MACROD2: variants seen among roughly 807,000 people sequenced by gnomAD.
MACROD2 encodes ADP-ribose glycohydrolase MACROD2.
MACROD2 carries 36 observed loss-of-function variants against 70.4 expected under a neutral mutation model. That is an observed-to-expected ratio of 0.51 (90% CI 0.39 to 0.68). The LOEUF is 0.68. Ranked by LOEUF, MACROD2 falls within the 30% of genes least tolerant of loss-of-function variation. The pLI is 0.00. For missense variants in MACROD2, 496 were observed against 538.4 expected (o/e 0.92, Z 0.78); for synonymous variants, 172 against 178.8 (o/e 0.96, Z 0.30).
chr20:14,924,258 G>A (rs1002517563), intron 5 of MACROD2, among the ~76,000 whole-genome samples: 7 of 146,902 alleles, frequency 4.8e-5, no homozygotes, highest in African/African-American at 1.9e-4. Context: ...GCCAAGCCTG[G>A]CCAAACATTG....
At chr20:15,122,921 C>G (rs1047577485) in intron 5 of MACROD2, among the ~76,000 whole-genome samples, 1 of 152,062 alleles carries the variant, frequency 6.6e-6, no homozygotes, top group East Asian at 1.9e-4. Flanking sequence ...AAATTATGAC[C>G]CACCTGTTGA....
chr20:14,394,896 G>T (rs1162281915), intron 3 of MACROD2, among the ~76,000 whole-genome samples: 1 of 151,922 alleles, frequency 6.6e-6, no homozygotes, highest in Non-Finnish European at 1.5e-5. Flanking sequence ...GAATTATATG[G>T]GTTGACCTTT....
chr20:15,612,693 C>G, intron 8 of MACROD2, among the ~76,000 whole-genome samples: 1 of 152,288 alleles, frequency 6.6e-6, no homozygotes, highest in Middle Eastern at 3.4e-3. Context: ...TGAATAGAAA[C>G]GATGGCTCTG....
intron 8 of MACROD2, among the ~76,000 whole-genome samples, chr20:15,603,787 G>C (rs2048856682): frequency 6.6e-6 from 1 of 152,164 alleles, no homozygotes; most frequent in African/African-American, 2.4e-5. Context: ...AGCCAGCAAA[G>C]ATTATTCATG....
intron 8 of MACROD2, among the ~76,000 whole-genome samples, chr20:15,853,192 T>C (rs1276803596): frequency 6.6e-6 from 1 of 152,102 alleles, no homozygotes; most frequent in African/African-American, 2.4e-5. Flanking sequence ...GGGTAGGTGT[T>C]TTAGGTACCT....
At chr20:14,468,889 A>G (rs1600271858) in intron 3 of MACROD2, among the ~76,000 whole-genome samples, 1 of 152,074 alleles carries the variant, frequency 6.6e-6, no homozygotes, top group Non-Finnish European at 1.5e-5. Context: ...TCTTTATCCA[A>G]TTTGTCAGCC....
chr20:15,198,536 A>C (rs1032014559), intron 5 of MACROD2, among the ~76,000 whole-genome samples: 8 of 152,258 alleles, frequency 5.3e-5, no homozygotes, highest in African/African-American at 1.9e-4. Context: ...AGATCACTGG[A>C]TATACAACTG....
chr20:15,993,920 C>G (rs943078231), intron 15 of MACROD2, among the ~76,000 whole-genome samples: 75 of 152,118 alleles, frequency 4.9e-4, no homozygotes, highest in Admixed American at 1.3e-4. Context: ...AAGGAATACA[C>G]CCTCATAGAA....
intron 2 of MACROD2, among the ~76,000 whole-genome samples, chr20:14,033,823 A>C (rs889676896): frequency 6.6e-6 from 1 of 152,040 alleles, no homozygotes; most frequent in African/African-American, 2.4e-5. Context: ...GTGTGTGTAG[A>C]ATTTACCTTT....
At chr20:15,582,676 G>A (rs1394625557) in intron 8 of MACROD2, among the ~76,000 whole-genome samples, 1 of 152,120 alleles carries the variant, frequency 6.6e-6, no homozygotes, top group Non-Finnish European at 1.5e-5. Flanking sequence ...GAATCCACTG[G>A]CATTCTGTTC....
chr20:15,239,216 A>G (rs1421632075), intron 6 of MACROD2, among the ~76,000 whole-genome samples: 2 of 143,354 alleles, frequency 1.4e-5, no homozygotes, highest in African/African-American at 5.3e-5. Flanking sequence ...AGCAATTGCA[A>G]TGTATGGAAT....
intron 16 of MACROD2, among the ~76,000 whole-genome samples, chr20:16,041,779 A>G (rs775129): frequency 0.36 from 54,217 of 151,812 alleles, 11,893 homozygotes; most frequent in South Asian, 0.54. Context: ...TTAAAAATAA[A>G]TTTTCAAACA....
intron 8 of MACROD2, among the ~76,000 whole-genome samples, chr20:15,607,785 C>T (rs1423462051): frequency 1.3e-5 from 2 of 152,180 alleles, no homozygotes; most frequent in Admixed American, 6.5e-5. Context: ...CTACCCGCCT[C>T]GGCCTCCCAA....
At chr20:14,886,421 T>C (rs905497102) in intron 5 of MACROD2, among the ~76,000 whole-genome samples, 2 of 152,138 alleles carry the variant, frequency 1.3e-5, no homozygotes, top group African/African-American at 4.8e-5. Flanking sequence ...GACTTTGGCT[T>C]TGGTCATAAG....
intron 8 of MACROD2, among the ~76,000 whole-genome samples, chr20:15,798,225 T>G (rs1315800493): frequency 6.6e-6 from 1 of 152,200 alleles, no homozygotes; most frequent in African/African-American, 2.4e-5. Context: ...TGGGGATGAC[T>G]CTTCCCTGTC....
chr20:14,636,755 A>G (rs1484965343), intron 4 of MACROD2, among the ~76,000 whole-genome samples: 1 of 152,206 alleles, frequency 6.6e-6, no homozygotes, highest in East Asian at 1.9e-4. Flanking sequence ...ATCTACAACA[A>G]TATTTTGAGC....
chr20:15,507,389 CTCCT>C (rs10659185), intron 8 of MACROD2, among the ~76,000 whole-genome samples: 3 of 146,788 alleles, frequency 2.0e-5, no homozygotes, highest in East Asian at 2.0e-4. Context: ...CCTTCCCTCC[CTCCT>C]TCCTTCCTTC....
intron 3 of MACROD2, among the ~76,000 whole-genome samples, chr20:14,295,210 T>G (rs1213579560): frequency 6.6e-6 from 1 of 151,912 alleles, no homozygotes; most frequent in Non-Finnish European, 1.5e-5. Context: ...CACTCTTTAT[T>G]ACTCTTGGGG....
intron 8 of MACROD2, among the ~76,000 whole-genome samples, chr20:15,740,060 A>G (rs903090165): frequency 1.3e-5 from 2 of 152,262 alleles, no homozygotes; most frequent in African/African-American, 4.8e-5. Context: ...ATTCCAATGT[A>G]GATTGACATG....
Sources: allele counts gnomAD v4.1 joint callset (sites outside exome capture counted in the v4.1 genomes callset), GRCh38; gene constraint gnomAD v4.1.1; transcripts MANE v1.5; gene names NCBI Gene and HGNC (gene_info 2026-07-23, HGNC 2026-07-21).